Variants in LRRC8D observed in about 807,000 individuals in gnomAD.
LRRC8D encodes leucine rich repeat containing 8 VRAC subunit D.
LRRC8D carries 20 observed loss-of-function variants against 55.8 expected under a neutral mutation model. That is an observed-to-expected ratio of 0.36 (90% CI 0.25 to 0.52). The LOEUF (loss-of-function observed/expected upper bound fraction) is 0.52. LRRC8D is among the 20% of genes least tolerant of loss of function. The pLI is 0.93. For synonymous variants in LRRC8D, 352 were observed against 377.0 expected (o/e 0.93, Z 0.77); for missense variants, 651 against 1,030.8 (o/e 0.63, Z 5.05).
chr1:89,923,930 A>G (rs1229760969), intron 2 of LRRC8D, among the ~76,000 whole-genome samples: 1 of 152,226 alleles, frequency 6.6e-6, no homozygotes, highest in East Asian at 1.9e-4. Context: ...AAACTAACTC[A>G]CGATGGATTA....
chr1:89,860,664 A>G (rs1296379033), intron 2 of LRRC8D, among the ~76,000 whole-genome samples: 1 of 145,748 alleles, frequency 6.9e-6, no homozygotes, highest in Non-Finnish European at 1.5e-5. Flanking sequence ...AGTCTGAGGC[A>G]GGAGAATCAC....
chr1:89,864,189 T>C (rs1228785138), intron 2 of LRRC8D, among the ~76,000 whole-genome samples: 1 of 152,226 alleles, frequency 6.6e-6, no homozygotes, highest in Non-Finnish European at 1.5e-5. Flanking sequence ...AAAAAGAACA[T>C]AGACTTGTTT....
chr1:89,883,251 G>C (rs1662329451), intron 2 of LRRC8D, among the ~76,000 whole-genome samples: 1 of 151,910 alleles, frequency 6.6e-6, no homozygotes, highest in Non-Finnish European at 1.5e-5. Flanking sequence ...TTAAGGGACA[G>C]TATTTTCAGA....
At chr1:89,915,045 TG>T (rs1480180310) in intron 2 of LRRC8D, among the ~76,000 whole-genome samples, 7 of 150,264 alleles carry the variant, frequency 4.7e-5, no homozygotes, top group African/African-American at 1.7e-4. Context: ...TGTGTGTGTG[TG>T]GTGTGTGTGT....
At chr1:89,928,058 G>A (rs1288919319) in intron 2 of LRRC8D, among the ~76,000 whole-genome samples, 1 of 152,180 alleles carries the variant, frequency 6.6e-6, no homozygotes, top group African/African-American at 2.4e-5. Context: ...AAGAGACCAA[G>A]ATTAGAAACA....
At chr1:89,907,243 G>C (rs1663020330) in intron 2 of LRRC8D, among the ~76,000 whole-genome samples, 2 of 144,522 alleles carry the variant, frequency 1.4e-5, no homozygotes, top group South Asian at 2.2e-4. Flanking sequence ...CCAGGCTGGA[G>C]TGCAGTGGTG....
intron 2 of LRRC8D, among the ~76,000 whole-genome samples, chr1:89,925,248 C>T (rs953094670): frequency 7.9e-5 from 12 of 152,060 alleles, no homozygotes; most frequent in African/African-American, 2.7e-4. Flanking sequence ...ATCTAATGTC[C>T]GATGATTTGT....
chr1:89,892,667 C>T (rs769833031), intron 2 of LRRC8D, among the ~76,000 whole-genome samples: 11 of 152,264 alleles, frequency 7.2e-5, no homozygotes, highest in South Asian at 2.1e-4. Flanking sequence ...TATAGGCGCC[C>T]GCCAACACGC....
intron 2 of LRRC8D, among the ~76,000 whole-genome samples, chr1:89,874,271 G>A (rs1245146942): frequency 6.6e-6 from 1 of 152,178 alleles, no homozygotes; most frequent in Non-Finnish European, 1.5e-5. Context: ...CGGAGGCAGA[G>A]GACTAGAGTT....
intron 2 of LRRC8D, among the ~76,000 whole-genome samples, chr1:89,899,449 A>G (rs962287648): frequency 6.6e-6 from 1 of 152,258 alleles, no homozygotes; most frequent in Non-Finnish European, 1.5e-5. Context: ...TTAACCAGAG[A>G]CAGTTTTGTG....
chr1:89,925,693 G>A (rs1253969789), intron 2 of LRRC8D, among the ~76,000 whole-genome samples: 1 of 152,176 alleles, frequency 6.6e-6, no homozygotes, highest in Non-Finnish European at 1.5e-5. Context: ...TATATGAAAA[G>A]CTACTTTTGT....
intron 2 of LRRC8D, among the ~76,000 whole-genome samples, chr1:89,924,843 T>C (rs1663516204): frequency 6.6e-6 from 1 of 152,148 alleles, no homozygotes; most frequent in Admixed American, 6.6e-5. Context: ...ATGTTCTCAC[T>C]TATAAGTGGG....
chr1:89,883,945 C>G (rs1351279912), intron 2 of LRRC8D, among the ~76,000 whole-genome samples: 1 of 152,224 alleles, frequency 6.6e-6, no homozygotes, highest in Non-Finnish European at 1.5e-5. Flanking sequence ...CAGCATCCAA[C>G]TCAGGAAGGT....
At chr1:89,892,604 C>T (rs1232239619) in intron 2 of LRRC8D, among the ~76,000 whole-genome samples, 1 of 152,102 alleles carries the variant, frequency 6.6e-6, no homozygotes. Context: ...CTGCAAGCTC[C>T]GCCTCCTGGG....
intron 2 of LRRC8D, among the ~76,000 whole-genome samples, chr1:89,871,413 G>A (rs945556187): frequency 1.3e-5 from 2 of 152,180 alleles, no homozygotes; most frequent in Non-Finnish European, 2.9e-5. Context: ...CCTGCGCATA[G>A]CGTTCTTTTG....
intron 1 of LRRC8D, chr1:89,822,000 AAGG>A (rs1381477652): frequency 1.3e-5 from 2 of 152,312 alleles, no homozygotes; most frequent in African/African-American, 2.4e-5. Context: ...GGGGCTTGAA[AAGG>A]AGGAGAATTG....
At chr1:89,882,172 A>G (rs1458965911) in intron 2 of LRRC8D, among the ~76,000 whole-genome samples, 3 of 152,204 alleles carry the variant, frequency 2.0e-5, no homozygotes, top group South Asian at 4.1e-4. Flanking sequence ...TGTTTGAGAA[A>G]CAAGTTCCTG....
intron 1 of LRRC8D, among the ~76,000 whole-genome samples, chr1:89,825,065 A>G (rs767331923): frequency 2.8e-4 from 43 of 152,204 alleles, no homozygotes; most frequent in African/African-American, 8.7e-4. Flanking sequence ...TTCCTTCTCA[A>G]TGTTATCCTA....
chr1:89,935,737 G>T lies in LRRC8D; in HGVS notation c.*92G>T. 2.7e-6 allele frequency: 3 copies of T among 1,131,398 alleles called. No individual in the cohort carries two copies. The highest frequency in any genetic ancestry group is 2.6e-6 in the Non-Finnish European group (2 of 780,674). The allele number at this position is 1,131,398 out of a possible 1,614,324, so 70.1% of individuals were successfully genotyped here. A position where few individuals can be genotyped will look rare whatever the true frequency, so the allele number is the denominator to read the frequency against. ...GTTATTACAAGATAATGCATTTTAG[G>T]AGTAGATACATCTTTTAAAATAAAA... On this transcript the variant is annotated 3_prime_UTR_variant, in exon 3 of 3. Transcript: ENST00000337338.
Sources: gnomAD v4.1 joint callset for allele counts (sites outside exome capture counted in the v4.1 genomes callset) on GRCh38, gnomAD v4.1.1 for gene constraint, MANE v1.5 for transcripts, NCBI Gene and HGNC (gene_info 2026-07-23, HGNC 2026-07-21) for gene names.